Variants in COL28A1 observed in about 807,000 individuals in gnomAD.
The protein encoded by COL28A1 is collagen alpha-1(XXVIII) chain.
In COL28A1, 161 loss-of-function variants were observed where a neutral mutation model predicts 150.2. That is an observed-to-expected ratio of 1.07 (90% CI 0.94 to 1.22). The LOEUF is 1.22. Ranked by LOEUF, COL28A1 falls within the 50% of genes most tolerant of loss-of-function variation. The pLI is 0.00. For synonymous variants in COL28A1, 552 were observed against 469.7 expected (o/e 1.18, Z -2.26); for missense variants, 1,617 against 1,388.3 (o/e 1.16, Z -2.62).
chr7:7,452,632 C>G (rs1031815910), intron 17 of COL28A1, among the ~76,000 whole-genome samples: 4 of 152,134 alleles, frequency 2.6e-5, no homozygotes, highest in Non-Finnish European at 5.9e-5. Flanking sequence ...ATAGCATATT[C>G]AAAATTGATT....
intron 18 of COL28A1, among the ~76,000 whole-genome samples, chr7:7,448,155 A>G (rs1292298136): frequency 6.6e-6 from 1 of 152,222 alleles, no homozygotes; most frequent in East Asian, 1.9e-4. Context: ...TATTTTCCAA[A>G]TTTGATGAAA....
At chr7:7,385,962 C>G (rs1583264760) in intron 27 of COL28A1, among the ~76,000 whole-genome samples, 1 of 152,256 alleles carries the variant, frequency 6.6e-6, no homozygotes, top group East Asian at 1.9e-4. Context: ...TCCAATCAGA[C>G]TTTTCAATGT....
intron 19 of COL28A1, among the ~76,000 whole-genome samples, chr7:7,443,989 T>TG (rs1786032272): frequency 6.7e-6 from 1 of 149,920 alleles, no homozygotes; most frequent in Admixed American, 6.6e-5. Context: ...ATCTGCTGTT[T>TG]TTTTTTTTTT....
intron 15 of COL28A1, among the ~76,000 whole-genome samples, chr7:7,471,444 C>T (rs1788420556): frequency 6.6e-6 from 1 of 152,150 alleles, no homozygotes; most frequent in East Asian, 1.9e-4. Flanking sequence ...CAATATCCCT[C>T]ATGAACATAT....
intron 15 of COL28A1, among the ~76,000 whole-genome samples, chr7:7,461,193 A>C (rs886070658): frequency 6.6e-6 from 1 of 152,212 alleles, no homozygotes; most frequent in African/African-American, 2.4e-5. Flanking sequence ...TTAGAGAGCC[A>C]AGCGAAATAC....
chr7:7,372,921 G>C (rs562127536), intron 32 of COL28A1, 77 bp downstream of exon 32: 2 of 1,265,194 alleles, frequency 1.6e-6, no homozygotes, highest in Non-Finnish European at 2.2e-6. Context: ...TTTCTATTTG[G>C]TCAGGACAAA....
intron 30 of COL28A1, among the ~76,000 whole-genome samples, chr7:7,378,343 A>C (rs2128287304): frequency 6.6e-6 from 1 of 152,334 alleles, no homozygotes; most frequent in Admixed American, 6.5e-5. Flanking sequence ...CTATAGAATT[A>C]GCCTTTTCAA....
chr7:7,383,091 A>G (rs2128289858), intron 27 of COL28A1, among the ~76,000 whole-genome samples: 1 of 152,266 alleles, frequency 6.6e-6, no homozygotes, highest in South Asian at 2.1e-4. Context: ...CCTATCTACC[A>G]CGTTAAAAAA....
At position 7,436,450 on chromosome 7, in the gene COL28A1, C is replaced by G. The variant is rs1402687297; in HGVS notation, c.1805G>C (p.Gly602Ala). 5 of 1,360,780 alleles carry G rather than the reference C, an allele frequency of 3.7e-6. 2 individuals carry two copies. The South Asian group carries it at 5.8e-5, about 16-fold the overall frequency. The allele number at this position is 1,360,780 out of a possible 1,614,324, so 84.3% of individuals were successfully genotyped here. The change falls in exon 23 of 35, where the codon GGA becomes GCA. Residue 602 changes from glycine to alanine, a missense_variant. Coordinates refer to ENST00000399429, the MANE Select transcript of COL28A1 (RefSeq NM_001037763.3). ...GPPGPKGDRG[G>A]PGIPGFKGEP... ...TCCCTTAAATCCAGGTATCCCAGGT[C>G]CTCCTCTATCTCCCTGTACATTTCA...
upstream of COL28A1, among the ~76,000 whole-genome samples, chr7:7,540,075 T>C (rs1023538044): frequency 6.6e-6 from 1 of 152,210 alleles, no homozygotes; most frequent in Non-Finnish European, 1.5e-5. Context: ...CAAAAATAAA[T>C]CAAGGTGCCA....
chr7:7,511,023 T>C, intron 9 of COL28A1, 68 bp downstream of exon 9: 1 of 1,267,000 alleles, frequency 7.9e-7, no homozygotes, highest in Non-Finnish European at 1.2e-6. Flanking sequence ...AGCCCAGGAA[T>C]TTCCCCTTAA....
chr7:7,477,240 T>C, intron 13 of COL28A1, 60 bp from the exon 14 acceptor site: 1 of 828,444 alleles, frequency 1.2e-6, no homozygotes, highest in Admixed American at 1.9e-5. Flanking sequence ...AGAGGAGTGA[T>C]GAAAAAGAGG....
At chr7:7,477,565 C>T (rs1464042477) in intron 13 of COL28A1, among the ~76,000 whole-genome samples, 1 of 152,210 alleles carries the variant, frequency 6.6e-6, no homozygotes, top group African/African-American at 2.4e-5. Flanking sequence ...TTCTAAAAGG[C>T]AGCGCGTCCA....
At chr7:7,404,107 T>A (rs1157386096) in intron 27 of COL28A1, among the ~76,000 whole-genome samples, 3 of 152,090 alleles carry the variant, frequency 2.0e-5, no homozygotes, top group Non-Finnish European at 4.4e-5. Context: ...GAAAAAGGAT[T>A]TAGTAAACTT....
intron 15 of COL28A1, among the ~76,000 whole-genome samples, chr7:7,461,848 T>TA (rs1485424933): frequency 1.3e-5 from 2 of 152,170 alleles, no homozygotes; most frequent in African/African-American, 4.8e-5. Context: ...ATGGGAGTTA[T>TA]AAGGCCCTGT....
At chr7:7,533,901 T>G (rs906187410) in intron 1 of COL28A1, among the ~76,000 whole-genome samples, 4 of 152,166 alleles carry the variant, frequency 2.6e-5, no homozygotes, top group Non-Finnish European at 5.9e-5. Flanking sequence ...GCTGAAACTT[T>G]ATTGACTTCA....
intron 12 of COL28A1, 56 bp from the exon 13 acceptor site, chr7:7,489,513 T>C (rs918244386): frequency 8.0e-6 from 7 of 873,328 alleles, no homozygotes; most frequent in East Asian, 4.8e-5. Flanking sequence ...AGAATAAACA[T>C]AGCGCAAAGT....
downstream of COL28A1, among the ~76,000 whole-genome samples, chr7:7,352,949 C>T (rs989594529): frequency 7.2e-5 from 11 of 152,128 alleles, no homozygotes; most frequent in African/African-American, 2.4e-4. Flanking sequence ...AAAAAAATCT[C>T]GGGACCTCCC....
chr7:7,427,981 A>G (rs1443066808), intron 25 of COL28A1, among the ~76,000 whole-genome samples: 1 of 152,192 alleles, frequency 6.6e-6, no homozygotes, highest in Non-Finnish European at 1.5e-5. Flanking sequence ...AGCCCCTCTC[A>G]TATACAAAAC....
Sources: allele counts gnomAD v4.1 joint callset (sites outside exome capture counted in the v4.1 genomes callset), GRCh38; gene constraint gnomAD v4.1.1; transcripts MANE v1.5; gene names NCBI Gene and HGNC (gene_info 2026-07-23, HGNC 2026-07-21).